Variants in TENM2 observed in about 807,000 individuals in gnomAD.
The protein encoded by TENM2 is teneurin-2.
Under a neutral mutation model 245.2 loss-of-function variants are expected in TENM2, and 52 were observed. The ratio of observed to expected loss-of-function variants is 0.21; its 90% confidence interval spans 0.17 to 0.27. The LOEUF (loss-of-function observed/expected upper bound fraction) is 0.27, where lower values mean the gene tolerates loss of function less well. TENM2 is among the 10% of genes least tolerant of loss of function. TENM2 has a pLI of 1.00. For synonymous variants in TENM2, 1,363 were observed against 1,438.9 expected (o/e 0.95, Z 1.19); for missense variants, 3,046 against 3,666.8 (o/e 0.83, Z 4.37).
At chr5:167,230,863 A>G in the TENM2 span, among the ~76,000 whole-genome samples, 2 of 152,184 alleles carry the variant, frequency 1.3e-5, no homozygotes, top group Admixed American at 1.3e-4. Flanking sequence ...CTCCACCCAA[A>G]TCTCGTCTTG....
the TENM2 span, among the ~76,000 whole-genome samples, chr5:167,079,215 G>T: frequency 8.6e-5 from 13 of 151,036 alleles, no homozygotes; most frequent in African/African-American, 2.9e-4. Context: ...CTCTGTCTTT[G>T]TCTTTGTCTC....
At chr5:168,070,993 A>G (rs200304510) in intron 7 of TENM2, among the ~76,000 whole-genome samples, 1 of 152,022 alleles carries the variant, frequency 6.6e-6, no homozygotes, top group East Asian at 1.9e-4. Context: ...GAAAAGAGAA[A>G]GAGAAAGAAA....
chr5:167,210,694 A>T, the TENM2 span, among the ~76,000 whole-genome samples: 2 of 150,592 alleles, frequency 1.3e-5, no homozygotes, highest in African/African-American at 4.9e-5. Flanking sequence ...CGATCTCCTG[A>T]CCTCATGATC....
At chr5:167,108,520 C>T in the TENM2 span, among the ~76,000 whole-genome samples, 1 of 152,162 alleles carries the variant, frequency 6.6e-6, no homozygotes, top group African/African-American at 2.4e-5. Flanking sequence ...CTTGCATTGC[C>T]CCATTTTTAA....
the TENM2 span, among the ~76,000 whole-genome samples, chr5:167,218,137 T>C: frequency 6.6e-6 from 1 of 152,168 alleles, no homozygotes; most frequent in Non-Finnish European, 1.5e-5. Flanking sequence ...TAATTAATCC[T>C]TATTAAAAAT....
chr5:167,154,976 A>G, the TENM2 span, among the ~76,000 whole-genome samples: 8 of 152,142 alleles, frequency 5.3e-5, no homozygotes, highest in Non-Finnish European at 2.9e-5. Flanking sequence ...TCTTTCTTTC[A>G]TGGTTTCTTA....
At chr5:167,542,885 G>A (rs1439114987) in intron 2 of TENM2, among the ~76,000 whole-genome samples, 3 of 152,116 alleles carry the variant, frequency 2.0e-5, no homozygotes, top group Non-Finnish European at 4.4e-5. Flanking sequence ...CAAAACTTAG[G>A]AGCTTGTGAG....
chr5:167,012,837 G>A, the TENM2 span, among the ~76,000 whole-genome samples: 1 of 151,500 alleles, frequency 6.6e-6, no homozygotes, highest in African/African-American at 2.4e-5. Context: ...TCCACCAGAG[G>A]GTGTGTGTGT....
chr5:167,101,333 T>C, the TENM2 span, among the ~76,000 whole-genome samples: 3 of 152,222 alleles, frequency 2.0e-5, no homozygotes, highest in African/African-American at 4.8e-5. Flanking sequence ...GTAAATATTA[T>C]GGAACACCAT....
chr5:167,115,175 A>G, the TENM2 span, among the ~76,000 whole-genome samples: 1 of 152,232 alleles, frequency 6.6e-6, no homozygotes, highest in Admixed American at 6.5e-5. Flanking sequence ...AGGAAAGATC[A>G]CAGGAAGGAG....
chr5:167,766,263 A>C (rs1273845906), intron 2 of TENM2, among the ~76,000 whole-genome samples: 1 of 152,014 alleles, frequency 6.6e-6, no homozygotes, highest in Non-Finnish European at 1.5e-5. Flanking sequence ...GAGTATTCTA[A>C]GCTGGGGAAA....
At chr5:167,630,274 T>G (rs936171046) in intron 2 of TENM2, among the ~76,000 whole-genome samples, 13 of 152,060 alleles carry the variant, frequency 8.5e-5, no homozygotes, top group Non-Finnish European at 1.6e-4. Flanking sequence ...AGAATAGGGT[T>G]ACCTGAACAC....
intron 12 of TENM2, among the ~76,000 whole-genome samples, chr5:168,140,284 A>T (rs1416317969): frequency 1.3e-5 from 2 of 152,220 alleles, no homozygotes; most frequent in African/African-American, 4.8e-5. Context: ...AAACACAATG[A>T]GCAACAACAG....
chr5:167,968,540 T>G (rs1022656022), intron 4 of TENM2, among the ~76,000 whole-genome samples: 2 of 152,216 alleles, frequency 1.3e-5, no homozygotes, highest in African/African-American at 4.8e-5. Context: ...CAATTAATAC[T>G]CCTGTAAAGG....
intron 5 of TENM2, among the ~76,000 whole-genome samples, chr5:168,004,788 C>G (rs187936702): frequency 6.6e-6 from 1 of 152,046 alleles, no homozygotes; most frequent in Admixed American, 6.5e-5. Flanking sequence ...ACCTTTAAAT[C>G]GCCTTGGGGG....
the TENM2 span, among the ~76,000 whole-genome samples, chr5:167,274,907 C>T: frequency 1.1e-4 from 16 of 151,718 alleles, no homozygotes; most frequent in Non-Finnish European, 1.6e-4. Context: ...CAGTATTTAT[C>T]CTTTCTCAGA....
intron 2 of TENM2, among the ~76,000 whole-genome samples, chr5:167,785,220 G>A (rs528159350): frequency 6.6e-6 from 1 of 152,138 alleles, no homozygotes; most frequent in African/African-American, 2.4e-5. Flanking sequence ...TCTCATTTCT[G>A]GATATCACGT....
At chr5:168,245,298 G>GA (rs1766453954) in intron 26 of TENM2, among the ~76,000 whole-genome samples, 1 of 152,012 alleles carries the variant, frequency 6.6e-6, no homozygotes, top group Admixed American at 6.6e-5. Flanking sequence ...TTTCAAAAAA[G>GA]AAAAAAGTAC....
chr5:167,777,419 A>T (rs1763885113), intron 2 of TENM2, among the ~76,000 whole-genome samples: 2 of 152,266 alleles, frequency 1.3e-5, no homozygotes, highest in African/African-American at 4.8e-5. Context: ...ATAAATAAGT[A>T]TTAGAAATAA....
Sources: allele counts gnomAD v4.1 joint callset (sites outside exome capture counted in the v4.1 genomes callset), GRCh38; gene constraint gnomAD v4.1.1; transcripts MANE v1.5; gene names NCBI Gene and HGNC (gene_info 2026-07-23, HGNC 2026-07-21).